Variants in MAGI1 observed in about 807,000 individuals in gnomAD.
The protein encoded by MAGI1 is membrane-associated guanylate kinase, WW and PDZ domain-containing protein 1.
In MAGI1, 58 loss-of-function variants were observed where a neutral mutation model predicts 139.9. The observed-to-expected ratio is 0.41, with a 90% confidence interval of 0.34 to 0.52. MAGI1 has a LOEUF of 0.52. Ranked by LOEUF, MAGI1 falls within the 20% of genes least tolerant of loss-of-function variation. The pLI, the probability that MAGI1 is intolerant of heterozygous loss-of-function variation, is 0.12. For missense variants in MAGI1, 1,874 were observed against 1,901.6 expected (o/e 0.99, Z 0.27); for synonymous variants, 812 against 737.9 (o/e 1.10, Z -1.63).
At chr3:65,901,753 T>C (rs530715294) in intron 1 of MAGI1, among the ~76,000 whole-genome samples, 2 of 152,260 alleles carry the variant, frequency 1.3e-5, no homozygotes, top group Middle Eastern at 6.8e-3. Context: ...ATAGACTAAT[T>C]CTACTGTTCT....
At chr3:65,898,384 G>A (rs1481789727) in intron 1 of MAGI1, among the ~76,000 whole-genome samples, 1 of 152,114 alleles carries the variant, frequency 6.6e-6, no homozygotes, top group Non-Finnish European at 1.5e-5. Context: ...AGAGTTTAGT[G>A]TGGCATCATA....
chr3:65,635,309 T>C (rs10428146), intron 1 of MAGI1, among the ~76,000 whole-genome samples: 15,340 of 152,104 alleles, frequency 0.1, 1,930 homozygotes, highest in African/African-American at 0.3. Flanking sequence ...ATGATCCTCC[T>C]GCCTCGGCCT....
intron 1 of MAGI1, among the ~76,000 whole-genome samples, chr3:65,720,640 G>A (rs1410963270): frequency 6.6e-6 from 1 of 152,120 alleles, no homozygotes; most frequent in Admixed American, 6.5e-5. Context: ...AACACGTAAA[G>A]CTTCCCTTTC....
intron 1 of MAGI1, among the ~76,000 whole-genome samples, chr3:65,819,955 C>T (rs575277785): frequency 9.9e-5 from 13 of 131,286 alleles, no homozygotes; most frequent in Admixed American, 9.7e-4. Flanking sequence ...TCAGAAATTG[C>T]TAAGCAGAAT....
intron 1 of MAGI1, among the ~76,000 whole-genome samples, chr3:66,027,885 CCTT>C (rs2068375281): frequency 6.6e-6 from 1 of 152,172 alleles, no homozygotes; most frequent in African/African-American, 2.4e-5. Context: ...GCAACCCTCT[CCTT>C]AATTGTGACA....
intron 1 of MAGI1, among the ~76,000 whole-genome samples, chr3:65,645,946 C>T (rs998910547): frequency 3.3e-5 from 5 of 150,860 alleles, no homozygotes; most frequent in African/African-American, 1.2e-4. Flanking sequence ...AAATAGAATG[C>T]TAATAAATGC....
chr3:66,029,012 G>A (rs1346216946), intron 1 of MAGI1, among the ~76,000 whole-genome samples: 2 of 152,184 alleles, frequency 1.3e-5, no homozygotes, highest in East Asian at 3.9e-4. Context: ...GTGTCATGTG[G>A]TTTACTTTCT....
intron 1 of MAGI1, among the ~76,000 whole-genome samples, chr3:65,719,413 T>C (rs66986375): frequency 0.18 from 27,242 of 151,776 alleles, 2,772 homozygotes; most frequent in African/African-American, 0.25. Flanking sequence ...TTATGTATGA[T>C]TTTTTTAACT....
intron 1 of MAGI1, among the ~76,000 whole-genome samples, chr3:65,819,775 G>A (rs1263633468): frequency 6.0e-5 from 9 of 149,712 alleles, no homozygotes; most frequent in African/African-American, 2.2e-4. Context: ...TGCTCAGGAG[G>A]CTGAGGCAGG....
chr3:65,495,721 T>C (rs1952383011), intron 2 of MAGI1, among the ~76,000 whole-genome samples: 1 of 152,114 alleles, frequency 6.6e-6, no homozygotes, highest in African/African-American at 2.4e-5. Context: ...AGACAGTGTC[T>C]TGGAGGGAGG....
chr3:65,359,392 G>A (rs191198674), intron 22 of MAGI1: 3 of 1,284,154 alleles, frequency 2.3e-6, no homozygotes, highest in African/African-American at 2.9e-5. Flanking sequence ...GGTGACTCGA[G>A]AACCCAGACA....
chr3:65,911,333 A>AT lies in MAGI1; in HGVS notation c.313+126662_313+126663insA, dbSNP rs560657939. On this transcript the variant is annotated intron_variant, in intron 1 of 22. Coordinates refer to ENST00000402939, the MANE Select transcript of MAGI1 (RefSeq NM_001033057.2). Reference sequence around the variant, plus strand: ...TGAATCTCAAGCAGAAAAAGACAGAAAAGGGTTGGAGTTGGCTCATCCTCC... The same window carrying AT: ...TGAATCTCAAGCAGAAAAAGACAGAATAAGGGTTGGAGTTGGCTCATCCTCC... Among the ~76,000 whole-genome samples, 4 of 152,012 alleles carry AT rather than the reference A, an allele frequency of 2.6e-5. No individual in the cohort carries two copies. In the South Asian group the frequency reaches 8.3e-4, roughly 32 times the overall value.
rs372060290 is a variant in MAGI1 at position 65,644,078 on chromosome 3, G to C, written c.314-21990C>G. On this transcript the variant is annotated intron_variant, in intron 1 of 22. Transcript: ENST00000402939. Reference sequence around the variant, plus strand: ...GTCATTCCTCCCACTGAATGTCAAAGGAAGAAGAGGAGTGGGAAACCTAGA... The same window carrying C: ...GTCATTCCTCCCACTGAATGTCAAACGAAGAAGAGGAGTGGGAAACCTAGA... Among the ~76,000 whole-genome samples, 8 of 152,198 alleles carry C rather than the reference G, an allele frequency of 5.3e-5. No individual in the cohort carries two copies. In the East Asian group the frequency reaches 1.5e-3, roughly 29 times the overall value.
intron 1 of MAGI1, among the ~76,000 whole-genome samples, chr3:65,701,345 C>T (rs1179537884): frequency 5.3e-5 from 8 of 152,146 alleles, no homozygotes; most frequent in African/African-American, 1.9e-4. Flanking sequence ...CTCCACCTCC[C>T]GGGGTCAAGC....
chr3:65,832,366 T>C (rs2042575659), intron 1 of MAGI1, among the ~76,000 whole-genome samples: 1 of 152,188 alleles, frequency 6.6e-6, no homozygotes, highest in South Asian at 2.1e-4. Flanking sequence ...AGTGTGGTTT[T>C]AGCACATGTA....
intron 1 of MAGI1, among the ~76,000 whole-genome samples, chr3:65,697,340 TAGAAAAA>T (rs2089294531): frequency 6.7e-6 from 1 of 150,050 alleles, no homozygotes; most frequent in Non-Finnish European, 1.5e-5. Context: ...TTCCAATCAA[TAGAAAAA>T]GAGGGAATCC....
At chr3:66,015,207 T>C (rs889530630) in intron 1 of MAGI1, among the ~76,000 whole-genome samples, 22 of 145,586 alleles carry the variant, frequency 1.5e-4, no homozygotes, top group African/African-American at 5.1e-4. Flanking sequence ...ATCTAAAAAA[T>C]AAAAATAGAA....
At chr3:65,847,606 G>A (rs2059050752) in intron 1 of MAGI1, among the ~76,000 whole-genome samples, 1 of 152,140 alleles carries the variant, frequency 6.6e-6, no homozygotes, top group Admixed American at 6.5e-5. Context: ...CAAAATACAT[G>A]AATTTAAAAT....
intron 1 of MAGI1, among the ~76,000 whole-genome samples, chr3:65,951,050 A>G (rs1470381244): frequency 7.2e-6 from 1 of 139,396 alleles, no homozygotes; most frequent in East Asian, 2.2e-4. Flanking sequence ...GGAGGGAGGG[A>G]GGGAGGAAGG....
Sources: allele counts gnomAD v4.1 joint callset (sites outside exome capture counted in the v4.1 genomes callset), GRCh38; gene constraint gnomAD v4.1.1; transcripts MANE v1.5; gene names NCBI Gene and HGNC (gene_info 2026-07-23, HGNC 2026-07-21).